The following TMEM131 variants were observed in gnomAD, a reference collection of about 807,000 sequenced individuals.
TMEM131 encodes the protein transmembrane protein 131.
In TMEM131, 66 loss-of-function variants were observed where a neutral mutation model predicts 211.6. The observed-to-expected ratio is 0.31, with a 90% CI of 0.26 to 0.38. The LOEUF (loss-of-function observed/expected upper bound fraction) is 0.38. Among genes scored for constraint, TMEM131 ranks in the 10% least tolerant of loss-of-function variants. The pLI is 1.00. For synonymous variants in TMEM131, 844 were observed against 841.3 expected (o/e 1.00, Z -0.06); for missense variants, 2,036 against 2,299.3 (o/e 0.89, Z 2.34).
intron 3 of TMEM131, among the ~76,000 whole-genome samples, chr2:97,894,418 A>G (rs189024852): frequency 6.6e-6 from 1 of 152,292 alleles, no homozygotes; most frequent in Non-Finnish European, 1.5e-5. Context: ...TCTGTGAAGA[A>G]AAGTCAATAG....
At chr2:97,799,008 T>G (rs547198992) in intron 25 of TMEM131, among the ~76,000 whole-genome samples, 127 of 152,316 alleles carry the variant, frequency 8.3e-4, no homozygotes, top group Admixed American at 3.7e-3. Context: ...ACCTTAATAA[T>G]TTTATAGTGG....
In TMEM131 at chr2:97,814,254, T is replaced by G; in HGVS notation, c.1427A>C (p.Glu476Ala). 1 of 1,613,712 alleles carries G rather than the reference T, an allele frequency of 6.2e-7. No homozygotes were observed. The highest frequency in any genetic ancestry group is 8.5e-7 in the Non-Finnish European group (1 of 1,179,784). The change falls in exon 14 of 41, where the codon GAA becomes GCA. Residue 476 changes from glutamate to alanine, a missense_variant. This residue lies in a region of TMEM131 where 1,623 missense variants were observed against 1,805.9 expected (regional missense o/e 0.90). Transcript: ENST00000186436. ...ILIHDVLLPE[E>A]AKTMFKVHNF... is the part of the protein sequence containing the mutation. ...ACATACTTTAAACATTGTTTTGGCT[T>G]CTTCTGGTAGCAACACATCGTGAAT...
intron 1 of TMEM131, among the ~76,000 whole-genome samples, chr2:97,981,581 A>G (rs1679801011): frequency 6.6e-6 from 1 of 152,196 alleles, no homozygotes; most frequent in Non-Finnish European, 1.5e-5. Flanking sequence ...AAGCCTATCA[A>G]TTTTTAATAA....
chr2:97,919,634 G>A (rs1262944599), intron 2 of TMEM131, among the ~76,000 whole-genome samples: 6 of 152,064 alleles, frequency 3.9e-5, no homozygotes, highest in East Asian at 1.9e-4. Context: ...GCAATGGCAC[G>A]ATCTCAGCTC....
intron 4 of TMEM131, among the ~76,000 whole-genome samples, chr2:97,864,051 A>T (rs781328217): frequency 6.6e-6 from 1 of 152,098 alleles, no homozygotes; most frequent in African/African-American, 2.4e-5. Flanking sequence ...ACCATGAAAA[A>T]TAATGAGATC....
intron 4 of TMEM131, among the ~76,000 whole-genome samples, chr2:97,886,592 G>A (rs1184178909): frequency 6.6e-6 from 1 of 152,178 alleles, no homozygotes; most frequent in Non-Finnish European, 1.5e-5. Flanking sequence ...AGAGTCTGTG[G>A]TGGTAGTGGT....
At chr2:97,905,150 G>A (rs371753755) in intron 3 of TMEM131, among the ~76,000 whole-genome samples, 1 of 152,034 alleles carries the variant, frequency 6.6e-6, no homozygotes, top group East Asian at 1.9e-4. Context: ...AAAAGTGCCA[G>A]TCTACTGCAA....
At position 97,995,743 on chromosome 2, in the gene TMEM131, C is replaced by T. The variant is rs969856423; in HGVS notation, c.-81G>A. On this transcript the variant is annotated 5_prime_UTR_variant, in exon 1 of 41. Coordinates refer to ENST00000186436, the MANE Select transcript of TMEM131 (RefSeq NM_015348.2). ...GCGGCGGCGGCGCGGAAGCCGTGGT[C>T]CGGGCTCTGGCCGCGGCGCCGGGAG... 10 of 1,070,182 alleles carry T rather than the reference C, an allele frequency of 9.3e-6. No individual in the cohort carries two copies. The highest frequency in any genetic ancestry group is 1.7e-5 in the African/African-American group (1 of 59,940). 66.3% of individuals were successfully genotyped at this position (1,070,182 alleles called of 1,614,324 possible).
chr2:97,904,716 CT>C (rs1675996585), intron 3 of TMEM131, among the ~76,000 whole-genome samples: 1 of 150,792 alleles, frequency 6.6e-6, no homozygotes, highest in South Asian at 2.1e-4. Flanking sequence ...TCCTCTTGTT[CT>C]GTTTATGCCT....
At chr2:97,783,296 T>TA (rs1419553751) in intron 31 of TMEM131, among the ~76,000 whole-genome samples, 16 of 151,768 alleles carry the variant, frequency 1.1e-4, no homozygotes, top group African/African-American at 3.9e-4. Context: ...AGACCTACCC[T>TA]AAAAAAATGG....
At chr2:97,857,393 T>C (rs895733564) in intron 5 of TMEM131, among the ~76,000 whole-genome samples, 6 of 152,166 alleles carry the variant, frequency 3.9e-5, no homozygotes, top group Admixed American at 3.9e-4. Flanking sequence ...AAGAATCTGT[T>C]TGCAACTCTT....
chr2:97,796,439 T>C, intron 27 of TMEM131, 35 bp from the exon 28 acceptor site: 9 of 1,342,614 alleles, frequency 6.7e-6, no homozygotes, highest in Non-Finnish European at 9.1e-6. Flanking sequence ...AGACTAAATC[T>C]TGCCATCATG....
At chr2:97,939,059 G>A (rs1212078062) in intron 1 of TMEM131, among the ~76,000 whole-genome samples, 3 of 152,076 alleles carry the variant, frequency 2.0e-5, no homozygotes, top group Admixed American at 2.0e-4. Flanking sequence ...ACCACCAAAT[G>A]CCCACAAGAG....
At chr2:97,869,774 T>C (rs1227251822) in intron 4 of TMEM131, among the ~76,000 whole-genome samples, 1 of 152,182 alleles carries the variant, frequency 6.6e-6, no homozygotes, top group Non-Finnish European at 1.5e-5. Context: ...ACATGACCAT[T>C]TGTAAACTCA....
chr2:97,977,883 C>G (rs1243510936), intron 1 of TMEM131, among the ~76,000 whole-genome samples: 1 of 151,914 alleles, frequency 6.6e-6, no homozygotes. Context: ...GTCAGGAGTT[C>G]GAGACCAACC....
chr2:97,960,330 T>C (rs1427840103), intron 1 of TMEM131, among the ~76,000 whole-genome samples: 1 of 152,222 alleles, frequency 6.6e-6, no homozygotes, highest in African/African-American at 2.4e-5. Context: ...TCTTTGGTAA[T>C]GTCATTTTTA....
chr2:97,935,615 G>A (rs1248319736), intron 1 of TMEM131, among the ~76,000 whole-genome samples: 1 of 152,068 alleles, frequency 6.6e-6, no homozygotes, highest in Non-Finnish European at 1.5e-5. Context: ...GGTTTTGACA[G>A]CAAAAGTTGA....
chr2:97,933,199 T>G (rs912196701), intron 1 of TMEM131, among the ~76,000 whole-genome samples: 2 of 152,176 alleles, frequency 1.3e-5, no homozygotes, highest in Non-Finnish European at 2.9e-5. Context: ...TGCGTGACCA[T>G]AGTACCCAAA....
intron 3 of TMEM131, among the ~76,000 whole-genome samples, chr2:97,902,391 C>A (rs901110682): frequency 6.6e-6 from 1 of 152,070 alleles, no homozygotes; most frequent in African/African-American, 2.4e-5. Flanking sequence ...TTACTGTAGA[C>A]AGATAACTGG....
Sources: allele counts gnomAD v4.1 joint callset (sites outside exome capture counted in the v4.1 genomes callset), GRCh38; gene constraint gnomAD v4.1.1; regional missense constraint gnomAD v4.1.1; transcripts MANE v1.5; gene names NCBI Gene and HGNC (gene_info 2026-07-23, HGNC 2026-07-21).